Variants in ABLIM3 observed in about 807,000 individuals in gnomAD.
ABLIM3 encodes actin-binding LIM protein 3.
Under a neutral mutation model 109.5 loss-of-function variants are expected in ABLIM3, and 61 were observed. The ratio of observed to expected loss-of-function variants is 0.56; its 90% confidence interval spans 0.45 to 0.69. ABLIM3 has a LOEUF of 0.69. Ranked by LOEUF, ABLIM3 falls within the 30% of genes least tolerant of loss-of-function variation. ABLIM3 has a pLI of 0.00. For synonymous variants in ABLIM3, 300 were observed against 324.8 expected (o/e 0.92, Z 0.82); for missense variants, 796 against 889.5 (o/e 0.89, Z 1.34).
intron 2 of ABLIM3, chr5:149,164,287 G>A (rs1008756415): frequency 2.0e-5 from 3 of 152,166 alleles, no homozygotes; most frequent in Admixed American, 2.0e-4. Flanking sequence ...CATTTATGCT[G>A]ACCAAAAACT....
At position 149,248,689 on chromosome 5, in the gene ABLIM3, C is replaced by CAAAA. The variant is rs10659679; in HGVS notation, c.1699+778_1699+781dup. ...TGGGCAACAGAGCGAGACTCTCTCT[C>CAAAA]AAAAAAAAAAAAAAAAAAAAAGAAC... On this transcript the variant is annotated intron_variant, in intron 18 of 23. Coordinates refer to ENST00000309868, the MANE Select transcript of ABLIM3 (RefSeq NM_014945.5). Among the ~76,000 whole-genome samples the CAAAA allele has an allele frequency of 9.7e-3, 764 of 78,520 alleles. 24 individuals are homozygous for CAAAA. The highest frequency in any genetic ancestry group is 0.034 in the African/African-American group (656 of 19,054). The allele number at this position is 78,520 out of a possible 152,430, so 51.5% of individuals were successfully genotyped here.
At chr5:149,236,315 G>T (rs948859507) in intron 10 of ABLIM3, among the ~76,000 whole-genome samples, 12 of 152,156 alleles carry the variant, frequency 7.9e-5, no homozygotes, top group Non-Finnish European at 1.5e-4. Flanking sequence ...TTTATGAATG[G>T]TGCTTCCTAT....
At chr5:149,149,831 A>C (rs536906296) in intron 2 of ABLIM3, among the ~76,000 whole-genome samples, 3 of 152,124 alleles carry the variant, frequency 2.0e-5, no homozygotes, top group Non-Finnish European at 4.4e-5. Flanking sequence ...AACAAAGAGA[A>C]GCAAGCATGA....
chr5:149,223,271 T>C (rs1760844143), intron 8 of ABLIM3, among the ~76,000 whole-genome samples: 1 of 152,210 alleles, frequency 6.6e-6, no homozygotes, highest in Non-Finnish European at 1.5e-5. Flanking sequence ...ATGTGGCCAT[T>C]TTCTCGCCTG....
At chr5:149,158,987 C>T (rs1335495119) in intron 2 of ABLIM3, among the ~76,000 whole-genome samples, 1 of 152,168 alleles carries the variant, frequency 6.6e-6, no homozygotes, top group East Asian at 1.9e-4. Context: ...AAAAATTCAA[C>T]ATACACCTAC....
chr5:149,202,996 C>T (rs1478595770), intron 5 of ABLIM3, among the ~76,000 whole-genome samples: 2 of 151,986 alleles, frequency 1.3e-5, no homozygotes, highest in African/African-American at 4.8e-5. Context: ...CTTATCACCA[C>T]CACCACCATC....
intron 8 of ABLIM3, among the ~76,000 whole-genome samples, chr5:149,228,686 T>A (rs1761548995): frequency 6.6e-6 from 1 of 152,202 alleles, no homozygotes; most frequent in Admixed American, 6.5e-5. Flanking sequence ...ACCAACTAAC[T>A]TTTTTTAGCC....
Position 149,259,708 on chromosome 5 carries a change from T to G in ABLIM3, c.*1304T>G. ...CTTCTCCTCTCCAAACCTTTCACCT[T>G]GAATGGGTAATGTTTGGTGGGGGCT... On this transcript the variant is annotated 3_prime_UTR_variant, in exon 24 of 24. Transcript: ENST00000309868. 2 of 1,039,036 alleles carry G rather than the reference T, an allele frequency of 1.9e-6. No homozygotes were observed. The highest frequency in any genetic ancestry group is 2.8e-6 in the Non-Finnish European group (2 of 704,550). The allele number at this position is 1,039,036 out of a possible 1,614,324, so 64.4% of individuals were successfully genotyped here.
chr5:149,186,666 A>G (rs1242811438), intron 3 of ABLIM3, among the ~76,000 whole-genome samples: 1 of 152,182 alleles, frequency 6.6e-6, no homozygotes, highest in Non-Finnish European at 1.5e-5. Context: ...CTTTCCACAC[A>G]TAGTGTTATC....
At chr5:149,147,785 A>G (rs1753068682) in intron 2 of ABLIM3, among the ~76,000 whole-genome samples, 1 of 152,160 alleles carries the variant, frequency 6.6e-6, no homozygotes, top group Non-Finnish European at 1.5e-5. Context: ...GGTCTTCAGT[A>G]TGGTTGTCTC....
At chr5:149,221,005 C>G (rs1760593623) in intron 8 of ABLIM3, 1 of 152,242 alleles carries the variant, frequency 6.6e-6, no homozygotes, top group African/African-American at 2.4e-5. Context: ...GTGACAAGTG[C>G]TGCACAGAGA....
Position 149,198,474 on chromosome 5 carries a change from C to T in ABLIM3, c.335+72C>T, listed in dbSNP as rs945928362. 6.7e-7 allele frequency: 1 copy of T among 1,481,776 alleles called. No individual in the cohort carries two copies. The highest frequency in any genetic ancestry group is 9.0e-7 in the Non-Finnish European group (1 of 1,115,012). 91.8% of individuals were successfully genotyped at this position (1,481,776 alleles called of 1,614,324 possible). On this transcript the variant is annotated intron_variant, in intron 4 of 23. Transcript: ENST00000309868. This position sits in a 1 kb window ranked among gnomAD's most constrained non-coding sequence, Gnocchi z 4.2. Reference sequence around the variant, plus strand: ...GGGGCAGGGGAAGACCTGGCTTTTTCCAGGAAGTTCTGGGGTTTACAAGGT... The same window carrying T: ...GGGGCAGGGGAAGACCTGGCTTTTTTCAGGAAGTTCTGGGGTTTACAAGGT...
At chr5:149,242,598 A>G in intron 15 of ABLIM3, 60 bp downstream of exon 15, 1 of 1,563,174 alleles carries the variant, frequency 6.4e-7, no homozygotes, top group East Asian at 2.2e-5. Context: ...TTAACCATCT[A>G]TGCAGATGGC....
intron 3 of ABLIM3, among the ~76,000 whole-genome samples, chr5:149,192,454 G>A (rs112383064): frequency 7.8e-4 from 119 of 151,712 alleles, no homozygotes; most frequent in Middle Eastern, 3.4e-3. Flanking sequence ...GTAAGCAAAG[G>A]GTTAATGAAA....
intron 2 of ABLIM3, among the ~76,000 whole-genome samples, chr5:149,154,698 C>T (rs1353669761): frequency 1.3e-5 from 2 of 152,162 alleles, no homozygotes; most frequent in African/African-American, 2.4e-5. Context: ...TTATTTTGTT[C>T]ATTAGCTCAT....
intron 2 of ABLIM3, among the ~76,000 whole-genome samples, chr5:149,171,533 C>T (rs746293128): frequency 5.9e-5 from 9 of 152,164 alleles, no homozygotes; most frequent in Non-Finnish European, 1.3e-4. Context: ...GCATTTGAAT[C>T]CAGATCTGAC....
At chr5:149,148,468 G>A (rs1293046374) in intron 2 of ABLIM3, among the ~76,000 whole-genome samples, 1 of 152,184 alleles carries the variant, frequency 6.6e-6, no homozygotes, top group Non-Finnish European at 1.5e-5. Context: ...CTTCTGTAGG[G>A]TAGATCCAAC....
intron 2 of ABLIM3, among the ~76,000 whole-genome samples, chr5:149,143,810 G>T (rs548284920): frequency 6.6e-6 from 1 of 152,078 alleles, no homozygotes; most frequent in Admixed American, 6.5e-5. Flanking sequence ...TCACATGTTT[G>T]CATTTGCATG....
chr5:149,173,743 C>A (rs1366290540), intron 2 of ABLIM3, among the ~76,000 whole-genome samples: 1 of 152,116 alleles, frequency 6.6e-6, no homozygotes, highest in East Asian at 1.9e-4. Context: ...TAGGAACCGC[C>A]GGGCGCGGTG....
Sources: allele counts gnomAD v4.1 joint callset (sites outside exome capture counted in the v4.1 genomes callset), GRCh38; gene constraint gnomAD v4.1.1; non-coding constraint Gnocchi (gnomAD v3.1); transcripts MANE v1.5; gene names NCBI Gene and HGNC (gene_info 2026-07-23, HGNC 2026-07-21).